The following ACBD4 variants were observed in gnomAD, a reference collection of about 807,000 sequenced individuals.
ACBD4 encodes the protein acyl-CoA-binding domain-containing protein 4.
ACBD4 carries 41 observed loss-of-function variants against 46.0 expected under a neutral mutation model. The observed-to-expected ratio is 0.89, with a 90% CI of 0.69 to 1.16. ACBD4 has a LOEUF of 1.16. Among genes scored for constraint, ACBD4 ranks in the 50% most tolerant of loss-of-function variants. The pLI, the probability that ACBD4 is intolerant of heterozygous loss-of-function variation, is 0.00. For missense variants in ACBD4, 393 were observed against 399.5 expected (o/e 0.98, Z 0.14); for synonymous variants, 162 against 155.9 (o/e 1.04, Z -0.29).
chr17:45,140,873 C>A (rs907450771), intron 9 of ACBD4, among the ~76,000 whole-genome samples: 1 of 152,076 alleles, frequency 6.6e-6, no homozygotes, highest in East Asian at 1.9e-4. Context: ...CTTAGCTGGG[C>A]GAGGTGGCAG....
upstream of ACBD4, chr17:45,132,218 C>T: frequency 3.2e-6 from 4 of 1,253,732 alleles, no homozygotes; most frequent in South Asian, 1.5e-4. The surrounding 1 kb of genome is among the most constrained non-coding windows in gnomAD (Gnocchi z 4.6). Flanking sequence ...CGGTCCGCGC[C>T]CACCCCACCG....
rs2054862745 is a variant in ACBD4 at position 45,136,690 on chromosome 17, A to G, written c.210-2A>G. 1.2e-6 allele frequency: 2 copies of G among 1,613,966 alleles called. No individual in the cohort carries two copies. The highest frequency in any genetic ancestry group is 1.3e-5 in the African/African-American group (1 of 74,944). ...AGCCCTCTCACAGCCCTCTGCCCCC[A>G]GGGACGCCTGGAACAGTCTGGGCAA... On this transcript the variant is annotated splice_acceptor_variant, in intron 3 of 9. Transcript: ENST00000321854. LOFTEE classifies it high-confidence loss of function.
Position 45,137,069 on chromosome 17 carries a change from C to T in ACBD4, c.345C>T (p.Tyr115=). ...LGEVAEDMFG[Y]FEPLYQVIPD... is the part of the protein sequence containing the mutation. ...AGGTGGCAGAGGACATGTTTGGTTACTTCGAGCCCCTGTACCAGGTGATCC... is the reference window on the plus strand; with the variant it reads ...AGGTGGCAGAGGACATGTTTGGTTATTTCGAGCCCCTGTACCAGGTGATCC... The change falls in exon 5 of 10, where the codon TAC becomes TAT. Residue 115 remains tyrosine, a synonymous_variant. Transcript: ENST00000321854. 2 of 1,614,116 alleles carry T rather than the reference C, an allele frequency of 1.2e-6. No homozygotes were observed. Among genetic ancestry groups the T allele is most frequent in the Non-Finnish European group, 8.5e-7 (1 of 1,180,016 alleles).
Position 45,136,155 on chromosome 17 carries a change from A to G in ACBD4, c.11A>G (p.Glu4Gly). Reference protein sequence around the residue: MGTEKESPEPDCQK... With the variant: MGTGKESPEPDCQK... ...AGGGCTCGCAGCAGCATGGGCACCG[A>G]GAAAGAAAGCCCAGAGCCCGACTGC... Residue 4 changes from glutamate (E) to glycine (G), a missense_variant, in exon 2 of 10, where the codon GAG (glutamate) becomes GGG (glycine). By Grantham distance (98) the Glu-to-Gly change is moderately conservative. Transcript: ENST00000321854. 3.1e-6 allele frequency: 5 copies of G among 1,613,490 alleles called. No individual in the cohort carries two copies. The highest frequency in any genetic ancestry group is 4.2e-6 in the Non-Finnish European group (5 of 1,179,822).
upstream of ACBD4, chr17:45,132,287 C>T: frequency 7.9e-7 from 1 of 1,272,916 alleles, no homozygotes; most frequent in Non-Finnish European, 9.9e-7. The surrounding 1 kb of genome is among the most constrained non-coding windows in gnomAD (Gnocchi z 4.6). Flanking sequence ...CTCTTGGTGC[C>T]GCCATCGGAG....
At chr17:45,136,342 G>T in intron 2 of ACBD4, 110 bp downstream of exon 2, 1 of 1,507,246 alleles carries the variant, frequency 6.6e-7, no homozygotes, top group Admixed American at 1.7e-5. Flanking sequence ...GCCCCTGCCT[G>T]GGCTGTCCTG....
Position 45,136,753 on chromosome 17 carries a change from G to A in ACBD4, c.271G>A (p.Glu91Lys). 1 of 1,613,668 alleles carries A rather than the reference G, an allele frequency of 6.2e-7. No homozygotes were observed. Among genetic ancestry groups the A allele is most frequent in the Non-Finnish European group, 8.5e-7 (1 of 1,180,026 alleles). Residue 91 changes from glutamate to lysine, a missense_variant, in exon 4 of 10, where the codon GAA (glutamate) becomes AAA (lysine). Glu to Lys is a moderately conservative substitution (Grantham distance 56). Coordinates refer to ENST00000321854, the MANE Select transcript of ACBD4 (RefSeq NM_001135705.3). ...GGAGGCCATGTCTGCCTACATCACT[G>A]AAATGAAACTGGTGGCACAGAAGGT... ...REEAMSAYITEMKLVAQKVID... is the reference protein window; with the variant it reads ...REEAMSAYITKMKLVAQKVID...
upstream of ACBD4, among the ~76,000 whole-genome samples, chr17:45,134,911 C>A (rs970014883): frequency 6.6e-6 from 1 of 152,022 alleles, no homozygotes; most frequent in Non-Finnish European, 1.5e-5. Flanking sequence ...ATTTCCCCCC[C>A]TCCCCAGTAC....
chr17:45,136,427 A>G, intron 2 of ACBD4, 73 bp from the exon 3 acceptor site: 2 of 1,535,244 alleles, frequency 1.3e-6, no homozygotes, highest in Non-Finnish European at 1.8e-6. Flanking sequence ...CTTTCCAAGC[A>G]GGGTTCTCCC....
chr17:45,139,042 CG>C lies in ACBD4; in HGVS notation c.675del (p.Gln227ArgfsTer103). 6.2e-7 allele frequency: 1 copy of C among 1,613,490 alleles called. No homozygotes were observed. The highest frequency in any genetic ancestry group is 8.5e-7 in the Non-Finnish European group (1 of 1,180,014). ...TKKEGLRGSPPGPQELDVWLL... is the reference protein window; with the variant it reads ...TKKEGLRGSPXGPQELDVWLL... The stretch of plus-strand genomic sequence containing the variant: ...GCAGAGGGGTTGCGGGGCAGCCCGC[CG>C]GGGCCCCAGGAGTTGGACGTGTGGC... On this transcript the variant is annotated frameshift_variant, in exon 9 of 10. Coordinates refer to ENST00000321854, the MANE Select transcript of ACBD4 (RefSeq NM_001135705.3). LOFTEE classifies it high-confidence loss of function.
upstream of ACBD4, chr17:45,132,189 C>A: frequency 8.1e-7 from 1 of 1,235,554 alleles, no homozygotes; most frequent in Non-Finnish European, 1.0e-6. This position sits in a 1 kb window ranked among gnomAD's most constrained non-coding sequence, Gnocchi z 4.6. Flanking sequence ...TGGAGCGCCC[C>A]AGACTGGGCC....
chr17:45,139,124 G>A lies in ACBD4; in HGVS notation c.753G>A (p.Val251=), dbSNP rs751355553. 33 of 1,613,674 alleles carry A rather than the reference G, an allele frequency of 2.0e-5. No individual in the cohort carries two copies. Among genetic ancestry groups the A allele is most frequent in the Non-Finnish European group, 2.7e-5 (32 of 1,180,026 alleles). Residue 251 remains valine (V), a synonymous_variant, in exon 9 of 10, where the codon GTG becomes GTA. Coordinates refer to ENST00000321854, the MANE Select transcript of ACBD4 (RefSeq NM_001135705.3). ...GCATGCAGGAGGTGCAGGCGAGGGT[G>A]CAGAGCCTGGAGAGCATGCCCCGGC... is the stretch of plus-strand genomic sequence containing the variant. ...QESMQEVQAR[V]QSLESMPRPP...
Position 45,137,767 on chromosome 17 carries a change from T to A in ACBD4, c.510T>A (p.His170Gln). Residue 170 changes from histidine (H) to glutamine (Q), a missense_variant, in exon 7 of 10, where the codon CAT (histidine) becomes CAA (glutamine). Around this residue, in one of 3 missense-constraint regions of ACBD4, gnomAD observed 308 missense variants for 301.8 expected, o/e 1.02. Transcript: ENST00000321854. ...CTACCAACCCCTCCACAGAGTCCCA[T>A]TCACCCAGGGACCTGGACTCCGAGG... ...KEPAPPSPES[H>Q]SPRDLDSEVF... 6.2e-7 allele frequency: 1 copy of A among 1,613,932 alleles called. No individual in the cohort carries two copies. Among genetic ancestry groups the A allele is most frequent in the South Asian group, 1.1e-5 (1 of 91,086 alleles).
intron 9 of ACBD4, chr17:45,142,984 C>T (rs576484610): frequency 3.2e-4 from 50 of 156,028 alleles, no homozygotes; most frequent in Middle Eastern, 3.3e-3. Flanking sequence ...TTTCCTGGTA[C>T]AAGGCGCCCC....
chr17:45,134,526 C>T (rs1223402156), upstream of ACBD4, among the ~76,000 whole-genome samples: 12 of 152,282 alleles, frequency 7.9e-5, no homozygotes, highest in Non-Finnish European at 1.5e-5. Context: ...CCTGTAATCC[C>T]AACACTTTGG....
chr17:45,137,353 G>T lies in ACBD4; in HGVS notation c.416-15G>T. 6.2e-7 allele frequency: 1 copy of T among 1,614,084 alleles called. No individual in the cohort carries two copies. The highest frequency in any genetic ancestry group is 8.5e-7 in the Non-Finnish European group (1 of 1,179,958). ...CCTCTCCCCAGGCCCACCTCTGGGTGCTGTGTCTTGGCAGGTTGGAAAGAG... is the reference window on the plus strand; with the variant it reads ...CCTCTCCCCAGGCCCACCTCTGGGTTCTGTGTCTTGGCAGGTTGGAAAGAG... On this transcript the variant is annotated splice_polypyrimidine_tract_variant and intron_variant, in intron 5 of 9. Coordinates refer to ENST00000321854, the MANE Select transcript of ACBD4 (RefSeq NM_001135705.3).
Position 45,143,497 on chromosome 17 carries a change from G to T in ACBD4, c.844G>T (p.Ala282Ser), listed in dbSNP as rs1245999237. Residue 282 changes from alanine (A) to serine (S), a missense_variant, in exon 10 of 10, where the codon GCG (alanine) becomes TCG (serine). By Grantham distance (99) the Ala-to-Ser change is moderately conservative. Coordinates refer to ENST00000321854, the MANE Select transcript of ACBD4 (RefSeq NM_001135705.3). ...RPWPLGLPGP[A>S]LLFFLLWPFV... ...ATGGCCCCTTGGGCTCCCGGGGCCC[G>T]CGCTGCTCTTCTTCCTCCTGTGGCC... 1 of 1,613,566 alleles carries T rather than the reference G, an allele frequency of 6.2e-7. No individual in the cohort carries two copies. The highest frequency in any genetic ancestry group is 8.5e-7 in the Non-Finnish European group (1 of 1,179,986).
Position 45,143,526 on chromosome 17 carries a change from C to T in ACBD4, c.873C>T (p.Phe291=), listed in dbSNP as rs760519672. 6.2e-7 allele frequency: 1 copy of T among 1,614,008 alleles called. No homozygotes were observed. The highest frequency in any genetic ancestry group is 1.1e-5 in the South Asian group (1 of 91,080). ...PALLFFLLWP[F]VVQWLFRMFR... ...TGCTCTTCTTCCTCCTGTGGCCCTT[C>T]GTCGTCCAGTGGCTCTTCCGAATGT... Residue 291 remains phenylalanine, a synonymous_variant, in exon 10 of 10, where the codon TTC becomes TTT. Transcript: ENST00000321854.
At chr17:45,132,483 C>G (rs996418591), upstream of ACBD4, 153 of 971,720 alleles carry the variant, frequency 1.6e-4, no homozygotes, top group Non-Finnish European at 1.9e-4. This position sits in a 1 kb window ranked among gnomAD's most constrained non-coding sequence, Gnocchi z 4.6. Flanking sequence ...CGCTCTGGCC[C>G]GGCCCCGGCT....
Sources: gnomAD v4.1 joint callset for allele counts (sites outside exome capture counted in the v4.1 genomes callset) on GRCh38, gnomAD v4.1.1 for gene constraint, gnomAD v4.1.1 regional missense constraint, Gnocchi (gnomAD v3.1) non-coding constraint, MANE v1.5 for transcripts, NCBI Gene and HGNC (gene_info 2026-07-23, HGNC 2026-07-21) for gene names.